Variants in PCDH9 observed in about 807,000 individuals in gnomAD.
PCDH9 encodes protocadherin 9.
In PCDH9, 24 loss-of-function variants were observed where a neutral mutation model predicts 70.6. The ratio of observed to expected loss-of-function variants is 0.34; its 90% CI spans 0.25 to 0.48. The LOEUF (loss-of-function observed/expected upper bound fraction) is 0.48. Among genes scored for constraint, PCDH9 ranks in the 20% least tolerant of loss-of-function variants. PCDH9 has a pLI of 0.99. For synonymous variants in PCDH9, 562 were observed against 558.5 expected (o/e 1.01, Z -0.09); for missense variants, 1,281 against 1,503.6 (o/e 0.85, Z 2.45).
chr13:66,304,742 G>T lies in PCDH9; in HGVS notation c.3627C>A (p.Ser1209Arg), dbSNP rs149158184. 3.1e-3 allele frequency: 4,966 copies of T among 1,612,976 alleles called. 23 individuals are homozygous for T. Among genetic ancestry groups the T allele is most frequent in the South Asian group, 8.3e-3 (757 of 91,036 alleles). The stretch of plus-strand genomic sequence containing the variant: ...TTGCCAGAGGAATGTCTGTCATGTG[G>T]CTGCCATTGTTGAAATGGCCTTCAT... ...GSNEGHFNNG[S>R]HMTDIPLANL... Residue 1209 changes from serine to arginine, a missense_variant, in exon 5 of 5, where the codon AGC becomes AGA. Physicochemically the swap from Ser to Arg is moderately radical, Grantham distance 110. Around this residue, in one of 4 missense-constraint regions of PCDH9, gnomAD observed 264 missense variants for 278.8 expected, o/e 0.95. Transcript: ENST00000377865.
chr13:66,809,702 T>G (rs975247322), intron 3 of PCDH9, among the ~76,000 whole-genome samples: 2 of 152,186 alleles, frequency 1.3e-5, no homozygotes, highest in African/African-American at 4.8e-5. Flanking sequence ...TTTAATGTCT[T>G]GCTCTGTTTA....
intron 3 of PCDH9, among the ~76,000 whole-genome samples, chr13:66,896,569 TC>T (rs5804302): frequency 0.036 from 5,485 of 152,238 alleles, 319 homozygotes; most frequent in African/African-American, 0.12. Flanking sequence ...TCTATAAAAA[TC>T]AAAATCTATT....
intron 4 of PCDH9, among the ~76,000 whole-genome samples, chr13:66,462,533 C>T (rs1204419405): frequency 2.0e-5 from 3 of 151,680 alleles, no homozygotes; most frequent in South Asian, 2.1e-4. Context: ...ATTATCTGCC[C>T]GTTAGAATCA....
intron 4 of PCDH9, among the ~76,000 whole-genome samples, chr13:66,578,183 A>G (rs577575224): frequency 6.6e-6 from 1 of 152,222 alleles, no homozygotes; most frequent in African/African-American, 2.4e-5. Context: ...ACTCTTTCAG[A>G]TAATTTGTTA....
In PCDH9 at chr13:67,140,034, C is replaced by CA. The variant is rs1240544052; in HGVS notation, c.3036+85370_3036+85371insT. ...ATGTGATTTTTTGATCACCCCCCCC[C>CA]CCCCGCCCATTGTGTTATTTTTTAA... On this transcript the variant is annotated intron_variant, in intron 2 of 4. Coordinates refer to ENST00000377865, the MANE Select transcript of PCDH9 (RefSeq NM_203487.3). 1.0e-4 allele frequency among the ~76,000 whole-genome samples: 13 copies of CA among 125,882 alleles called. 3 individuals are homozygous for CA. Among genetic ancestry groups the CA allele is most frequent in the Non-Finnish European group, 1.8e-4 (11 of 59,870 alleles). 82.6% of individuals were successfully genotyped at this position (125,882 alleles called of 152,430 possible). A position where few individuals can be genotyped will look rare whatever the true frequency, so the allele number is the denominator to read the frequency against.
Position 67,220,258 on chromosome 13 carries a change from T to C in PCDH9, c.3036+5147A>G, listed in dbSNP as rs1399655107. The C allele has an allele frequency of 1.3e-4, 4 of 31,804 alleles. No individual in the cohort carries two copies. In the Admixed American group the frequency reaches 2.2e-3, roughly 17 times the overall value. 2.0% of individuals were successfully genotyped at this position (31,804 alleles called of 1,614,324 possible). On this transcript the variant is annotated intron_variant, in intron 2 of 4. Transcript: ENST00000377865. ...GTGTCATTTTCATACTTCAGTACTG[T>C]AGTGTAAAATTAGTAATATGAAAAA...
intron 3 of PCDH9, among the ~76,000 whole-genome samples, chr13:66,893,687 C>T (rs1010289868): frequency 2.0e-5 from 3 of 152,196 alleles, no homozygotes; most frequent in Non-Finnish European, 4.4e-5. Context: ...CACGCAATAA[C>T]ATATACAACT....
intron 3 of PCDH9, among the ~76,000 whole-genome samples, chr13:66,901,613 TAATATA>T (rs2082277904): frequency 6.6e-6 from 1 of 151,798 alleles, no homozygotes. Context: ...AATGGACTAA[TAATATA>T]AATAAACATC....
At chr13:66,774,970 T>C (rs1189249706) in intron 3 of PCDH9, among the ~76,000 whole-genome samples, 3 of 152,220 alleles carry the variant, frequency 2.0e-5, no homozygotes, top group Non-Finnish European at 4.4e-5. Flanking sequence ...TTTCTAAGTA[T>C]ATGACATTGA....
chr13:66,849,434 C>T (rs1270167796), intron 3 of PCDH9, among the ~76,000 whole-genome samples: 1 of 135,396 alleles, frequency 7.4e-6, no homozygotes, highest in African/African-American at 3.1e-5. Context: ...AAATATATGA[C>T]TATATATGAC....
chr13:66,730,594 G>A (rs924848703), intron 3 of PCDH9, among the ~76,000 whole-genome samples: 1 of 151,782 alleles, frequency 6.6e-6, no homozygotes, highest in African/African-American at 2.4e-5. Context: ...CATGAGGGTG[G>A]AGCATATGTA....
intron 4 of PCDH9, among the ~76,000 whole-genome samples, chr13:66,363,606 T>C (rs1482766013): frequency 6.6e-6 from 1 of 152,196 alleles, no homozygotes; most frequent in Non-Finnish European, 1.5e-5. Context: ...TCATTTTTGC[T>C]TATTTTGTAG....
intron 3 of PCDH9, among the ~76,000 whole-genome samples, chr13:66,717,501 A>G (rs1411131638): frequency 5.0e-5 from 6 of 120,354 alleles, no homozygotes; most frequent in South Asian, 2.7e-4. Flanking sequence ...ATATATATAT[A>G]TATATATGTA....
chr13:67,140,645 C>T (rs553689729), intron 2 of PCDH9, among the ~76,000 whole-genome samples: 36 of 152,264 alleles, frequency 2.4e-4, no homozygotes, highest in African/African-American at 7.9e-4. Flanking sequence ...GGAACCTATA[C>T]CTGGTATTTC....
intron 2 of PCDH9, among the ~76,000 whole-genome samples, chr13:66,967,922 T>C (rs998370051): frequency 3.3e-5 from 5 of 152,010 alleles, no homozygotes; most frequent in African/African-American, 7.2e-5. Context: ...CAGTTCATGT[T>C]TGTGGAATGA....
intron 3 of PCDH9, among the ~76,000 whole-genome samples, chr13:66,730,876 G>GTGTGTTTTTTTTTTTT (rs1555262846): frequency 2.2e-5 from 1 of 46,358 alleles, no homozygotes; most frequent in African/African-American, 7.5e-5. Context: ...GTGTGTGTGT[G>GTGTGTTTTTTTTTTTT]TTTTTTTTTT....
intron 3 of PCDH9, among the ~76,000 whole-genome samples, chr13:66,697,855 C>T (rs1420411772): frequency 6.6e-6 from 1 of 152,038 alleles, no homozygotes; most frequent in African/African-American, 2.4e-5. Context: ...TTTACAATAG[C>T]CAAAAGCTAC....
chr13:67,018,620 A>C, intron 2 of PCDH9, among the ~76,000 whole-genome samples: 1 of 151,294 alleles, frequency 6.6e-6, no homozygotes. Context: ...TCGTCTCAAA[A>C]AAAAAAAAAA....
intron 2 of PCDH9, among the ~76,000 whole-genome samples, chr13:67,012,826 A>G (rs527292529): frequency 2.6e-5 from 4 of 152,096 alleles, no homozygotes; most frequent in Non-Finnish European, 5.9e-5. Context: ...AAAATTCCGA[A>G]GTGTTACTAT....
Sources: allele counts gnomAD v4.1 joint callset (sites outside exome capture counted in the v4.1 genomes callset), GRCh38; gene constraint gnomAD v4.1.1; regional missense constraint gnomAD v4.1.1; transcripts MANE v1.5; gene names NCBI Gene and HGNC (gene_info 2026-07-23, HGNC 2026-07-21).